VCL: variants seen among roughly 807,000 people sequenced by gnomAD.
VCL encodes the protein vinculin.
VCL carries 47 observed loss-of-function variants against 125.7 expected under a neutral mutation model. The observed-to-expected ratio is 0.37, with a 90% CI of 0.30 to 0.48. VCL has a LOEUF of 0.48. Among genes scored for constraint, VCL ranks in the 20% least tolerant of loss-of-function variants. The pLI is 0.99. For synonymous variants in VCL, 458 were observed against 514.6 expected (o/e 0.89, Z 1.49); for missense variants, 1,069 against 1,455.5 (o/e 0.73, Z 4.32).
chr10:74,015,764 A>G (rs1248955986), intron 1 of VCL, among the ~76,000 whole-genome samples: 1 of 151,094 alleles, frequency 6.6e-6, no homozygotes, highest in Admixed American at 6.6e-5. Flanking sequence ...GGCTCACTGC[A>G]ACCTCCGCCT....
intron 1 of VCL, among the ~76,000 whole-genome samples, chr10:74,032,118 A>G (rs1325076743): frequency 6.8e-6 from 1 of 147,746 alleles, no homozygotes; most frequent in Non-Finnish European, 1.5e-5. Flanking sequence ...ATACACCTGT[A>G]CTTCCAGCTA....
chr10:74,074,579 T>C (rs1839551239), intron 5 of VCL, among the ~76,000 whole-genome samples, 164 bp from the exon 6 acceptor site: 1 of 152,218 alleles, frequency 6.6e-6, no homozygotes, highest in Non-Finnish European at 1.5e-5. Context: ...CAATAAAGGT[T>C]GTTAATGTTG....
intron 2 of VCL, among the ~76,000 whole-genome samples, chr10:74,043,722 C>T (rs756870264): frequency 2.6e-5 from 4 of 152,086 alleles, no homozygotes; most frequent in Non-Finnish European, 5.9e-5. Context: ...TATTCAGAGA[C>T]CCACTGTGAC....
chr10:74,099,261 C>T (rs1840014219), intron 13 of VCL, among the ~76,000 whole-genome samples: 1 of 151,836 alleles, frequency 6.6e-6, no homozygotes, highest in African/African-American at 2.4e-5. Flanking sequence ...TCCTACAAAC[C>T]CCTCCCTCTC....
intron 6 of VCL, chr10:74,075,370 T>C (rs889689682): frequency 4.4e-5 from 7 of 158,346 alleles, no homozygotes; most frequent in African/African-American, 9.6e-5. Context: ...ATGTGTCCCT[T>C]GATCATTCCA....
At chr10:74,058,846 TC>T (rs1240629439) in intron 2 of VCL, among the ~76,000 whole-genome samples, 1 of 152,084 alleles carries the variant, frequency 6.6e-6, no homozygotes, top group African/African-American at 2.4e-5. Flanking sequence ...CCCTCCCTAG[TC>T]CAACTAGACC....
At chr10:74,079,893 G>A (rs555226613) in intron 6 of VCL, among the ~76,000 whole-genome samples, 6 of 152,180 alleles carry the variant, frequency 3.9e-5, no homozygotes, top group Middle Eastern at 3.4e-3. Flanking sequence ...ATTGAAAGTC[G>A]CAGTTATTAA....
intron 1 of VCL, among the ~76,000 whole-genome samples, chr10:74,014,319 C>T (rs781608886): frequency 1.3e-5 from 2 of 151,952 alleles, no homozygotes; most frequent in African/African-American, 2.4e-5. Context: ...GCAGCCTCAA[C>T]CTCCTGAGTT....
chr10:74,040,274 T>G (rs1460724966), intron 1 of VCL, among the ~76,000 whole-genome samples: 1 of 152,220 alleles, frequency 6.6e-6, no homozygotes, highest in East Asian at 1.9e-4. Context: ...TTTTTTATTC[T>G]CTACTCCATC....
At chr10:74,111,789 A>G (rs1233914494) in intron 18 of VCL, 120 bp from the exon 19 acceptor site, 24 of 1,290,720 alleles carry the variant, frequency 1.9e-5, no homozygotes, top group Admixed American at 7.9e-5. Context: ...CCTAGAGAAC[A>G]TGTTTCTTTC....
intron 1 of VCL, among the ~76,000 whole-genome samples, chr10:74,032,257 AAAAG>A (rs1840890154): frequency 1.3e-5 from 2 of 150,874 alleles, no homozygotes; most frequent in Admixed American, 6.6e-5. Flanking sequence ...AAAAAAAAAA[AAAAG>A]AAAAAGGAAA....
intron 2 of VCL, among the ~76,000 whole-genome samples, chr10:74,064,963 C>A (rs1841543396): frequency 6.6e-6 from 1 of 151,958 alleles, no homozygotes; most frequent in African/African-American, 2.4e-5. Flanking sequence ...AATTCCCAAA[C>A]AATTCATTGT....
At chr10:74,112,872 T>C (rs1265736582) in intron 19 of VCL, among the ~76,000 whole-genome samples, 1 of 152,186 alleles carries the variant, frequency 6.6e-6, no homozygotes, top group Non-Finnish European at 1.5e-5. Context: ...ACCATGGCAC[T>C]ATGCTATCTT....
chr10:74,076,636 TG>T (rs1839591265), intron 6 of VCL: 1 of 152,664 alleles, frequency 6.6e-6, no homozygotes, highest in South Asian at 2.1e-4. Flanking sequence ...AGAGCTTAGA[TG>T]AGGCACCTGT....
chr10:74,067,134 AC>A (rs1165996058), intron 2 of VCL, among the ~76,000 whole-genome samples: 3 of 152,344 alleles, frequency 2.0e-5, no homozygotes, highest in East Asian at 3.8e-4. Context: ...TGGGAAAAAA[AC>A]ATTTGCAAAT....
intron 20 of VCL, 69 bp downstream of exon 20, chr10:74,114,456 A>T: frequency 6.6e-7 from 1 of 1,524,210 alleles, no homozygotes; most frequent in Non-Finnish European, 8.9e-7. Flanking sequence ...TGTGTGTTGG[A>T]GGGGAGGGTA....
intron 1 of VCL, among the ~76,000 whole-genome samples, chr10:74,036,884 C>A (rs1303702323): frequency 2.6e-5 from 4 of 151,448 alleles, no homozygotes; most frequent in Admixed American, 2.6e-4. Flanking sequence ...TAATCCCTTT[C>A]TTGTTTGTTC....
intron 1 of VCL, among the ~76,000 whole-genome samples, chr10:74,025,550 G>T (rs1381099431): frequency 7.3e-5 from 11 of 151,430 alleles, no homozygotes; most frequent in Non-Finnish European, 1.5e-4. Context: ...GAAGGTCAAG[G>T]TTGCAGTGAG....
rs3037358 is a variant in VCL at position 74,109,576 on chromosome 10, C to CTTTTTT, written c.2745+424_2745+429dup. ...AAGCTAGATGAAATGTTTGCATTTT[C>CTTTTTT]TTTTTTTTTCCACAGAAGCAAGTAG... On this transcript the variant is annotated intron_variant, in intron 18 of 21. Coordinates refer to ENST00000211998, the MANE Select transcript of VCL (RefSeq NM_014000.3). 4.4e-3 allele frequency among the ~76,000 whole-genome samples: 648 copies of CTTTTTT among 147,316 alleles called. 3 individuals are homozygous for CTTTTTT. Among genetic ancestry groups the CTTTTTT allele is most frequent in the Middle Eastern group, 0.011 (3 of 282 alleles).
Sources: gnomAD v4.1 joint callset for allele counts (sites outside exome capture counted in the v4.1 genomes callset) on GRCh38, gnomAD v4.1.1 for gene constraint, MANE v1.5 for transcripts, NCBI Gene and HGNC (gene_info 2026-07-23, HGNC 2026-07-21) for gene names.